The following MYT1L variants were observed in gnomAD, a reference collection of about 807,000 sequenced individuals.
The protein encoded by MYT1L is myelin transcription factor 1-like protein.
MYT1L carries 12 observed loss-of-function variants against 126.7 expected under a neutral mutation model. The observed-to-expected ratio is 0.09, with a 90% CI of 0.06 to 0.15. The LOEUF (loss-of-function observed/expected upper bound fraction) is 0.15, where lower values mean the gene tolerates loss of function less well. Among genes scored for constraint, MYT1L ranks in the 10% least tolerant of loss-of-function variants. MYT1L has a pLI of 1.00. For synonymous variants in MYT1L, 541 were observed against 604.2 expected, an observed-to-expected ratio of 0.90 and a Z score of 1.53; for missense variants, 979 against 1,585.2, an observed-to-expected ratio of 0.62 and a Z score of 6.49.
chr2:1,930,939 C>A (rs1176587607), intron 9 of MYT1L, among the ~76,000 whole-genome samples: 4 of 152,206 alleles, frequency 2.6e-5, no homozygotes. Flanking sequence ...ATCTTAGTAA[C>A]CATCTTCCCG....
intron 3 of MYT1L, among the ~76,000 whole-genome samples, chr2:2,143,874 T>C (rs1007298877): frequency 4.6e-5 from 7 of 150,588 alleles, no homozygotes; most frequent in Non-Finnish European, 1.0e-4. Flanking sequence ...GAAAACCAAA[T>C]GCCATGTGTT....
At chr2:2,034,256 T>C (rs569270765) in intron 4 of MYT1L, among the ~76,000 whole-genome samples, 1 of 151,906 alleles carries the variant, frequency 6.6e-6, no homozygotes, top group South Asian at 2.1e-4. Flanking sequence ...CACAACTTCA[T>C]GCGGGTGCAG....
chr2:2,296,793 GCA>G (rs1406821345), intron 1 of MYT1L, among the ~76,000 whole-genome samples: 1 of 152,154 alleles, frequency 6.6e-6, no homozygotes, highest in Non-Finnish European at 1.5e-5. Flanking sequence ...ACCATACAGT[GCA>G]CTGCGTCAGG....
rs117577512 is a variant in MYT1L, at chr2:1,926,137, C to T, written c.506-2874G>A. ...CTCCCAGCGGCAGCAAATGTGGGGA[C>T]GGCGGGTGAAGATGGCGTGGGTGGC... On this transcript the variant is annotated intron_variant, in intron 9 of 24. Transcript: ENST00000647738. 4.1e-4 allele frequency among the ~76,000 whole-genome samples: 62 copies of T among 152,230 alleles called. 1 individual carries two copies. The East Asian group carries it at 0.011, about 27-fold the overall frequency.
intron 2 of MYT1L, among the ~76,000 whole-genome samples, chr2:2,201,369 C>T (rs767414606): frequency 6.6e-6 from 1 of 152,092 alleles, no homozygotes; most frequent in Admixed American, 6.6e-5. Context: ...GTTCAATAAC[C>T]TTCTATTTTT....
chr2:2,200,034 C>G (rs2092992589), intron 2 of MYT1L, among the ~76,000 whole-genome samples: 1 of 152,176 alleles, frequency 6.6e-6, no homozygotes, highest in Non-Finnish European at 1.5e-5. Context: ...CCCTCATACA[C>G]ACGCTGGGCC....
At chr2:1,809,430 G>C (rs1003380322) in intron 21 of MYT1L, among the ~76,000 whole-genome samples, 3 of 152,194 alleles carry the variant, frequency 2.0e-5, no homozygotes, top group Admixed American at 2.0e-4. Flanking sequence ...GGGGTCTTGG[G>C]AGCTGGGGCT....
intron 2 of MYT1L, among the ~76,000 whole-genome samples, chr2:2,280,963 A>T (rs1463593875): frequency 6.6e-6 from 1 of 152,096 alleles, no homozygotes; most frequent in Non-Finnish European, 1.5e-5. Flanking sequence ...CCAGCTTTTG[A>T]TGAGGGTTTG....
intron 3 of MYT1L, among the ~76,000 whole-genome samples, chr2:2,152,551 A>G (rs981061758): frequency 2.0e-5 from 3 of 152,094 alleles, no homozygotes; most frequent in African/African-American, 4.8e-5. Context: ...AGACGATTAC[A>G]TGGTTAACGA....
chr2:2,129,160 G>A (rs956754020), intron 3 of MYT1L, among the ~76,000 whole-genome samples: 1 of 152,202 alleles, frequency 6.6e-6, no homozygotes, highest in Non-Finnish European at 1.5e-5. Flanking sequence ...TAATGAATGT[G>A]GTGATGCAGC....
rs34296959 is a variant in MYT1L at position 2,059,259 on chromosome 2, C to T, written c.-303-5136G>A. ...CTCTGGGTGAGGGCATCAACGGGGT[C>T]GCAACTGCTTTTCGCAGGATTGTTT... is the stretch of plus-strand genomic sequence containing the variant. On this transcript the variant is annotated intron_variant, in intron 3 of 24. Coordinates refer to ENST00000647738, the MANE Select transcript of MYT1L (RefSeq NM_001303052.2). The surrounding 1 kb of genome is among the most constrained non-coding windows in gnomAD (Gnocchi z 4.7). Among the ~76,000 whole-genome samples, 12,547 of 152,114 alleles carry T rather than the reference C, an allele frequency of 0.082. 684 individuals are homozygous for T. The highest frequency in any genetic ancestry group is 0.19 in the Middle Eastern group (57 of 294).
intron 15 of MYT1L, among the ~76,000 whole-genome samples, chr2:1,891,334 C>T (rs2048847304): frequency 6.6e-6 from 1 of 152,166 alleles, no homozygotes; most frequent in South Asian, 2.1e-4. Flanking sequence ...ACAATCTGAC[C>T]GCTCCCTGGC....
intron 18 of MYT1L, among the ~76,000 whole-genome samples, chr2:1,865,683 A>G (rs1558205406): frequency 6.6e-6 from 1 of 152,054 alleles, no homozygotes; most frequent in African/African-American, 2.4e-5. Flanking sequence ...GCAGGTGATC[A>G]CATAGGGACT....
chr2:2,205,776 G>A (rs908858194), intron 2 of MYT1L, among the ~76,000 whole-genome samples: 3 of 152,052 alleles, frequency 2.0e-5, no homozygotes, highest in African/African-American at 7.2e-5. Context: ...TACATTTCTA[G>A]TGATGTTTCC....
Position 1,979,620 on chromosome 2 carries a change from T to C in MYT1L, c.56-66A>G, listed in dbSNP as rs2060448024. 6.2e-7 allele frequency: 1 copy of C among 1,604,698 alleles called. No individual in the cohort carries two copies. Among genetic ancestry groups the C allele is most frequent in the Non-Finnish European group, 8.5e-7 (1 of 1,171,612 alleles). On this transcript the variant is annotated intron_variant, in intron 6 of 24. Transcript: ENST00000647738. This position sits in a 1 kb window ranked among gnomAD's most constrained non-coding sequence, Gnocchi z 4.0. ...ACAAGCGACCCTCTTCCACAGAAAA[T>C]TACCAAAAGGGTGGCATGAAAGTGG...
At chr2:1,971,982 T>C (rs1018966945) in intron 8 of MYT1L, among the ~76,000 whole-genome samples, 1 of 152,206 alleles carries the variant, frequency 6.6e-6, no homozygotes, top group African/African-American at 2.4e-5. Flanking sequence ...ATGCATGCCC[T>C]ATCTTCTGAT....
At chr2:1,874,309 C>T (rs1018923159) in intron 18 of MYT1L, among the ~76,000 whole-genome samples, 11 of 152,122 alleles carry the variant, frequency 7.2e-5, no homozygotes, top group South Asian at 4.2e-4. Context: ...GAAATGGGCA[C>T]GGAAGGTCAC....
At chr2:2,083,400 C>T (rs2076040749) in intron 3 of MYT1L, among the ~76,000 whole-genome samples, 1 of 152,242 alleles carries the variant, frequency 6.6e-6, no homozygotes, top group South Asian at 2.1e-4. Flanking sequence ...AGAGATCCCA[C>T]AGCCCGCTGT....
In MYT1L at chr2:2,021,764, G is replaced by GT. The variant is rs2065053003; in HGVS notation, c.-157-24418dup. Among the ~76,000 whole-genome samples, 5 of 152,292 alleles carry GT rather than the reference G, an allele frequency of 3.3e-5. No homozygotes were observed. The East Asian group carries it at 9.7e-4, about 29-fold the overall frequency. ...TACAAAAAATTAGCCAGGCGTGGTG[G>GT]TGGGTGCCTGTACTCCCAGCTACTC... is the stretch of plus-strand genomic sequence containing the variant. On this transcript the variant is annotated intron_variant, in intron 4 of 24. Coordinates refer to ENST00000647738, the MANE Select transcript of MYT1L (RefSeq NM_001303052.2).
Sources: allele counts gnomAD v4.1 joint callset (sites outside exome capture counted in the v4.1 genomes callset), GRCh38; gene constraint gnomAD v4.1.1; non-coding constraint Gnocchi (gnomAD v3.1); transcripts MANE v1.5; gene names NCBI Gene and HGNC (gene_info 2026-07-23, HGNC 2026-07-21).